RYR2: variants seen among roughly 807,000 people sequenced by gnomAD.
RYR2 encodes the protein ryanodine receptor 2.
Under a neutral mutation model 601.1 loss-of-function variants are expected in RYR2, and 227 were observed. That is an observed-to-expected ratio of 0.38 (90% CI 0.34 to 0.42). RYR2 has a LOEUF of 0.42. Among genes scored for constraint, RYR2 ranks in the 10% least tolerant of loss-of-function variants. The probability of loss-of-function intolerance (pLI) is 1.00; values close to 1 mark genes in which losing one functional copy is unlikely to be tolerated. For missense variants in RYR2, 4,646 were observed against 6,156.5 expected (o/e 0.75, Z 8.21); for synonymous variants, 2,223 against 2,175.1 (o/e 1.02, Z -0.61).
rs898651416 is a variant in RYR2 at position 237,833,635 on chromosome 1, C to T, written c.*988C>T. ...ATCTGGAGCCAGTGTCATCCACCAA[C>T]AATGTGATACAATATGAACTTGACA... is the stretch of plus-strand genomic sequence containing the variant. On this transcript the variant is annotated 3_prime_UTR_variant, in exon 105 of 105. Coordinates refer to ENST00000366574, the MANE Select transcript of RYR2 (RefSeq NM_001035.3). 6.6e-6 allele frequency: 1 copy of T among 152,574 alleles called. No individual in the cohort carries two copies. Among genetic ancestry groups the T allele is most frequent in the Admixed American group, 6.6e-5 (1 of 15,258 alleles). The allele number at this position is 152,574 out of a possible 1,614,324, so 9.5% of individuals were successfully genotyped here.
Position 237,666,487 on chromosome 1 carries a change from C to G in RYR2, c.8437-25C>G, listed in dbSNP as rs772339360. The G allele has an allele frequency of 2.5e-6, 4 of 1,599,336 alleles. No homozygotes were observed. In the East Asian group the frequency reaches 6.7e-5, roughly 27 times the overall value. The stretch of plus-strand genomic sequence containing the variant: ...TCTTCACAAGGTTTTTAATGAGGCA[C>G]TGTTTTTTCACACAAATGATCTAGG... On this transcript the variant is annotated intron_variant, in intron 56 of 104. Transcript: ENST00000366574.
chr1:237,129,517 C>A (rs1281634187), intron 1 of RYR2, among the ~76,000 whole-genome samples: 1 of 152,028 alleles, frequency 6.6e-6, no homozygotes, highest in Non-Finnish European at 1.5e-5. Flanking sequence ...GTTCTAGAAG[C>A]AATTTTGACA....
At chr1:237,721,851 T>C (rs1421685060) in intron 73 of RYR2, among the ~76,000 whole-genome samples, 2 of 152,212 alleles carry the variant, frequency 1.3e-5, no homozygotes, top group East Asian at 3.9e-4. Flanking sequence ...ATACTTATTC[T>C]ATATTATTTC....
intron 11 of RYR2, among the ~76,000 whole-genome samples, chr1:237,420,683 A>G (rs1179379558): frequency 1.3e-5 from 2 of 152,206 alleles, no homozygotes; most frequent in Non-Finnish European, 2.9e-5. Flanking sequence ...AGAGACTTCA[A>G]AGGAGCACTG....
rs184004832 is a variant in RYR2, at chr1:237,263,596, G to T, written c.49-6901G>T. 2.3e-4 allele frequency among the ~76,000 whole-genome samples: 35 copies of T among 152,304 alleles called. No individual in the cohort carries two copies. In the East Asian group the frequency reaches 6.8e-3, roughly 29 times the overall value. On this transcript the variant is annotated intron_variant, in intron 1 of 104. Transcript: ENST00000366574. ...GGGGAGATACTAAATAAAATGCGTA[G>T]GCTCACCCTTGAGTGCTTCAAGATG...
intron 1 of RYR2, among the ~76,000 whole-genome samples, chr1:237,216,006 G>C (rs550841306): frequency 1.2e-4 from 18 of 152,252 alleles, no homozygotes; most frequent in African/African-American, 1.9e-4. Context: ...ACTTCAGTTT[G>C]TTCTAGTTAT....
intron 21 of RYR2, 125 bp downstream of exon 21, chr1:237,501,028 G>A: frequency 1.1e-6 from 1 of 914,058 alleles, no homozygotes; most frequent in Non-Finnish European, 1.7e-6. Context: ...CCTGTCCTCT[G>A]CGCATTTTGC....
At chr1:237,263,488 T>C (rs144160019) in intron 1 of RYR2, among the ~76,000 whole-genome samples, 3 of 152,334 alleles carry the variant, frequency 2.0e-5, no homozygotes, top group African/African-American at 7.2e-5. Context: ...GATTTCTGTC[T>C]GCAAGTAACA....
At chr1:237,299,812 A>G (rs1693177175) in intron 2 of RYR2, among the ~76,000 whole-genome samples, 1 of 152,234 alleles carries the variant, frequency 6.6e-6, no homozygotes, top group Admixed American at 6.5e-5. Flanking sequence ...AATTATGCCA[A>G]GGTCTGTGGA....
At chr1:237,507,239 G>C (rs912283639) in intron 23 of RYR2, among the ~76,000 whole-genome samples, 4 of 152,212 alleles carry the variant, frequency 2.6e-5, no homozygotes, top group Admixed American at 6.5e-5. Flanking sequence ...GTGTGTAAAA[G>C]CGGAAACCTG....
chr1:237,633,143 G>T (rs566411365), intron 42 of RYR2, among the ~76,000 whole-genome samples: 1 of 152,132 alleles, frequency 6.6e-6, no homozygotes, highest in South Asian at 2.1e-4. Context: ...TATGTGCCAC[G>T]TACTGAACTA....
At chr1:237,538,653 C>T (rs1394602696) in intron 25 of RYR2, among the ~76,000 whole-genome samples, 3 of 151,724 alleles carry the variant, frequency 2.0e-5, no homozygotes, top group African/African-American at 4.8e-5. Context: ...AACCTGTAAT[C>T]CCGGCTACTT....
intron 1 of RYR2, among the ~76,000 whole-genome samples, chr1:237,130,708 A>C (rs1672072719): frequency 6.6e-6 from 1 of 152,180 alleles, no homozygotes. Flanking sequence ...AATAAAAAAA[A>C]AAAAGTCATC....
At chr1:237,782,519 C>G (rs1695206563) in intron 89 of RYR2, among the ~76,000 whole-genome samples, 1 of 152,204 alleles carries the variant, frequency 6.6e-6, no homozygotes, top group African/African-American at 2.4e-5. Context: ...AGCTGTCACG[C>G]CTCGTGCTAG....
intron 16 of RYR2, among the ~76,000 whole-genome samples, chr1:237,459,258 C>T (rs1659193956): frequency 6.6e-6 from 1 of 152,132 alleles, no homozygotes; most frequent in Admixed American, 6.5e-5. Flanking sequence ...ATCACCTAGC[C>T]TGGACAGCAG....
rs78020632 is a variant in RYR2, at chr1:237,482,276, C to T, written c.1709-9530C>T. 3.4e-3 allele frequency among the ~76,000 whole-genome samples: 513 copies of T among 152,186 alleles called. 1 individual carries two copies. Among genetic ancestry groups the T allele is most frequent in the African/African-American group, 0.011 (449 of 41,520 alleles). ...TATTGGATATAGTCGCACTGTTGTG[C>T]TATCTAGTAGTAGGTCTTACTCATT... On this transcript the variant is annotated intron_variant, in intron 17 of 104. Coordinates refer to ENST00000366574, the MANE Select transcript of RYR2 (RefSeq NM_001035.3).
intron 1 of RYR2, among the ~76,000 whole-genome samples, chr1:237,170,656 T>C (rs1677255622): frequency 6.6e-6 from 1 of 152,194 alleles, no homozygotes; most frequent in Non-Finnish European, 1.5e-5. Flanking sequence ...AGAAAGAAAT[T>C]TGGAAACAGA....
At chr1:237,577,845 C>T (rs1326769833) in intron 29 of RYR2, among the ~76,000 whole-genome samples, 4 of 152,200 alleles carry the variant, frequency 2.6e-5, no homozygotes. Context: ...CTCTGTCACC[C>T]AGGCTGGAGT....
rs1690561710 is a variant in RYR2 at position 237,730,303 on chromosome 1, T to G, written c.10882T>G (p.Trp3628Gly). The G allele has an allele frequency of 6.2e-7, 1 of 1,609,228 alleles. No individual in the cohort carries two copies. The highest frequency in any genetic ancestry group is 8.5e-7 in the Non-Finnish European group (1 of 1,175,770). ...CTTTCTTCAGGGATATGAAAAGTCT[T>G]GGATTGAAACAGAAGAACATTACTT... ...NLFLQGYEKS[W>G]IETEEHYFED... Residue 3628 changes from tryptophan to glycine, a missense_variant, in exon 77 of 105, where the codon TGG becomes GGG. By Grantham distance (184) the Trp-to-Gly change is radical (BLOSUM62 -2). Transcript: ENST00000366574.
Sources: allele counts gnomAD v4.1 joint callset (sites outside exome capture counted in the v4.1 genomes callset), GRCh38; gene constraint gnomAD v4.1.1; transcripts MANE v1.5; gene names NCBI Gene and HGNC (gene_info 2026-07-23, HGNC 2026-07-21).